The following CSK variants were observed in gnomAD, a reference collection of about 807,000 sequenced individuals.
CSK encodes the protein tyrosine-protein kinase CSK.
A neutral mutation model predicts 62.3 loss-of-function variants in CSK; 7 were observed. The ratio of observed to expected loss-of-function variants is 0.11; its 90% CI spans 0.06 to 0.21. CSK has a LOEUF of 0.21. Among genes scored for constraint, CSK ranks in the 10% least tolerant of loss-of-function variants. The pLI is 1.00. For missense variants in CSK, 294 were observed against 613.5 expected (o/e 0.48, Z 5.50); for synonymous variants, 237 against 246.0 (o/e 0.96, Z 0.34).
intron 1 of CSK, among the ~76,000 whole-genome samples, chr15:74,792,194 C>T (rs2063632481): frequency 6.6e-6 from 1 of 152,164 alleles, no homozygotes; most frequent in Non-Finnish European, 1.5e-5. Context: ...CCCATCATCT[C>T]CTGCTACTAC....
At chr15:74,790,026 G>C (rs983827005) in intron 1 of CSK, among the ~76,000 whole-genome samples, 1 of 152,204 alleles carries the variant, frequency 6.6e-6, no homozygotes, top group Non-Finnish European at 1.5e-5. Flanking sequence ...ACCAAGCATG[G>C]CTCTGGGCAC....
chr15:74,801,860 G>A lies in CSK; in HGVS notation c.1053G>A (p.Lys351=). The change falls in exon 11 of 13, where the codon AAG becomes AAA. Residue 351 remains lysine, a synonymous_variant. Coordinates refer to ENST00000220003, the MANE Select transcript of CSK (RefSeq NM_004383.3). Reference sequence around the variant, plus strand: ...AGGACACGGGCAAGCTGCCAGTCAAGTGGACAGCCCCTGAGGCCCTGAGAG... The same window carrying A: ...AGGACACGGGCAAGCTGCCAGTCAAATGGACAGCCCCTGAGGCCCTGAGAG... ...STQDTGKLPV[K]WTAPEALREK... 1 of 1,613,526 alleles carries A rather than the reference G, an allele frequency of 6.2e-7. No homozygotes were observed. Among genetic ancestry groups the A allele is most frequent in the Non-Finnish European group, 8.5e-7 (1 of 1,179,756 alleles).
rs936201851 is a variant in CSK, at chr15:74,800,292, C to G, written c.463-120C>G. On this transcript the variant is annotated intron_variant, in intron 5 of 12. Coordinates refer to ENST00000220003, the MANE Select transcript of CSK (RefSeq NM_004383.3). ...CCTACCAGAAATGGGGAGCCCTCCCCACTCAGTGACTCCAGGCTAGGCGGG... is the reference window on the plus strand; with the variant it reads ...CCTACCAGAAATGGGGAGCCCTCCCGACTCAGTGACTCCAGGCTAGGCGGG... 3.6e-5 allele frequency: 29 copies of G among 811,380 alleles called. 1 individual carries two copies. The Admixed American group carries it at 5.4e-4, about 15-fold the overall frequency. The allele number at this position is 811,380 out of a possible 1,614,324, so 50.3% of individuals were successfully genotyped here. A position where few individuals can be genotyped will look rare whatever the true frequency, so the allele number is the denominator to read the frequency against.
At position 74,802,329 on chromosome 15, in the gene CSK, A is replaced by G; in HGVS notation, c.1171-2A>G. 6.3e-7 allele frequency: 1 copy of G among 1,582,522 alleles called. No individual in the cohort carries two copies. Among genetic ancestry groups the G allele is most frequent in the Non-Finnish European group, 8.6e-7 (1 of 1,168,660 alleles). On this transcript the variant is annotated splice_acceptor_variant, in intron 12 of 12. Transcript: ENST00000220003. LOFTEE classifies it high-confidence loss of function. ...CTGACTCCTGCCTCCCCCTGGCCAC[A>G]GCCCCTGAAGGACGTCGTCCCTCGG...
chr15:74,798,275 G>A lies in CSK; in HGVS notation c.-23G>A. 1 of 1,556,442 alleles carries A rather than the reference G, an allele frequency of 6.4e-7. No homozygotes were observed. The highest frequency in any genetic ancestry group is 8.7e-7 in the Non-Finnish European group (1 of 1,150,840). ...GACAGGTTGGCTTTACTGTGACTCG[G>A]GGACGCCAGAGCTCCTGAGAAGATG... On this transcript the variant is annotated 5_prime_UTR_variant, in exon 2 of 13. Transcript: ENST00000220003. The surrounding 1 kb of genome is among the most constrained non-coding windows in gnomAD (Gnocchi z 6.6).
In CSK at chr15:74,798,142, GCACCTGTTCATGC is replaced by G; in HGVS notation, c.-65-89_-65-77del. 1.4e-6 allele frequency: 1 copy of G among 726,924 alleles called. No individual in the cohort carries two copies. The highest frequency in any genetic ancestry group is 2.2e-6 in the Non-Finnish European group (1 of 446,874). The allele number at this position is 726,924 out of a possible 1,614,324, so 45.0% of individuals were successfully genotyped here. On this transcript the variant is annotated intron_variant, in intron 1 of 12. Coordinates refer to ENST00000220003, the MANE Select transcript of CSK (RefSeq NM_004383.3). This position sits in a 1 kb window ranked among gnomAD's most constrained non-coding sequence, Gnocchi z 6.6. ...CAAATCCCAGCGCAGGACACTCTTGGCACCTGTTCATGCCCAGTGAGGAGCCAGATCTCAGCAG... is the reference window on the plus strand; with the variant it reads ...CAAATCCCAGCGCAGGACACTCTTGGCCAGTGAGGAGCCAGATCTCAGCAG...
chr15:74,797,033 C>T (rs1201136928), intron 1 of CSK, among the ~76,000 whole-genome samples: 1 of 152,086 alleles, frequency 6.6e-6, no homozygotes, highest in Admixed American at 6.5e-5. Context: ...CTTGACCTCC[C>T]CAGGCTCAAG....
chr15:74,784,520 A>G (rs970466830), intron 1 of CSK, among the ~76,000 whole-genome samples: 5 of 151,890 alleles, frequency 3.3e-5, no homozygotes, highest in African/African-American at 9.7e-5. Context: ...TGTGCTTTTC[A>G]TTGGTGAGCT....
intron 9 of CSK, 29 bp downstream of exon 9, chr15:74,801,131 G>A: frequency 6.2e-7 from 1 of 1,612,376 alleles, no homozygotes; most frequent in Non-Finnish European, 8.5e-7. Flanking sequence ...CCGGCACTCA[G>A]GCCTTCCAAC....
At chr15:74,796,781 C>T (rs1157352575) in intron 1 of CSK, among the ~76,000 whole-genome samples, 1 of 152,032 alleles carries the variant, frequency 6.6e-6, no homozygotes, top group Non-Finnish European at 1.5e-5. Context: ...AAAACCAACC[C>T]CAGAGGTCCC....
chr15:74,796,593 C>CAAAA (rs553348497), intron 1 of CSK, among the ~76,000 whole-genome samples: 2 of 98,352 alleles, frequency 2.0e-5, no homozygotes, highest in South Asian at 3.5e-4. Flanking sequence ...GACCCTTTCT[C>CAAAA]AAAAAAAAAA....
intron 1 of CSK, among the ~76,000 whole-genome samples, chr15:74,795,333 C>T (rs530479357): frequency 2.4e-4 from 37 of 152,150 alleles, no homozygotes; most frequent in African/African-American, 7.5e-4. Context: ...AGCAAGACTC[C>T]GTCGCAATAA....
At position 74,798,561 on chromosome 15, in the gene CSK, A is replaced by C; in HGVS notation, c.16-54A>C. 6.7e-7 allele frequency: 1 copy of C among 1,499,382 alleles called. No homozygotes were observed. The allele number at this position is 1,499,382 out of a possible 1,614,324, so 92.9% of individuals were successfully genotyped here. ...GCTGTGACCACGAGGGTGCGCCAGC[A>C]GGTGGCTGGAGGGGGCCCAGGCTGC... is the stretch of plus-strand genomic sequence containing the variant. On this transcript the variant is annotated intron_variant, in intron 2 of 12. Coordinates refer to ENST00000220003, the MANE Select transcript of CSK (RefSeq NM_004383.3). This position sits in a 1 kb window ranked among gnomAD's most constrained non-coding sequence, Gnocchi z 6.6.
At position 74,797,248 on chromosome 15, in the gene CSK, A is replaced by G. The variant is rs138354920; in HGVS notation, c.-65-985A>G. On this transcript the variant is annotated intron_variant, in intron 1 of 12. Coordinates refer to ENST00000220003, the MANE Select transcript of CSK (RefSeq NM_004383.3). ...GTGTGAGCCACTGTGCCTAGCCATC[A>G]TTATGTTTTGAAATTTATCGGGATT... Among the ~76,000 whole-genome samples, 54 of 152,294 alleles carry G rather than the reference A, an allele frequency of 3.5e-4. 3 individuals are homozygous for G. The highest frequency in any genetic ancestry group is 1.2e-3 in the African/African-American group (49 of 41,566).
chr15:74,794,145 TC>T (rs2063667831), intron 1 of CSK, among the ~76,000 whole-genome samples: 1 of 36,626 alleles, frequency 2.7e-5, no homozygotes, highest in Non-Finnish European at 4.7e-5. Flanking sequence ...GGGCAAGGGG[TC>T]CTCACCACCC....
In CSK at chr15:74,800,500, A is replaced by G. The variant is rs2063773281; in HGVS notation, c.551A>G (p.Tyr184Cys). Reference sequence around the variant, plus strand: ...ACAGTGGCGGCCCAGGATGAGTTCTACCGCAGTGAGTGCACCCCACCCCAG... The same window carrying G: ...ACAGTGGCGGCCCAGGATGAGTTCTGCCGCAGTGAGTGCACCCCACCCCAG... Reference protein sequence around the residue: ...EGTVAAQDEFYRSGWALNMKE... With the variant: ...EGTVAAQDEFCRSGWALNMKE... Residue 184 changes from tyrosine (Y) to cysteine (C), a missense_variant, in exon 6 of 13, where the codon TAC (tyrosine) becomes TGC (cysteine). This residue lies in a region of CSK where 202 missense variants were observed against 415.7 expected (regional missense o/e 0.49). Transcript: ENST00000220003. 1 of 1,613,470 alleles carries G rather than the reference A, an allele frequency of 6.2e-7. No individual in the cohort carries two copies. Among genetic ancestry groups the G allele is most frequent in the African/African-American group, 1.3e-5 (1 of 74,892 alleles).
At position 74,801,833 on chromosome 15, in the gene CSK, C is replaced by G. The variant is rs761649661; in HGVS notation, c.1026C>G (p.Thr342=). Residue 342 remains threonine, a synonymous_variant, in exon 11 of 13, where the codon ACC becomes ACG. Transcript: ENST00000220003. ...GTCTCACCAAGGAGGCGTCCAGCAC[C>G]CAGGACACGGGCAAGCTGCCAGTCA... The part of the protein sequence containing the change: ...DFGLTKEASS[T]QDTGKLPVKW... 4 of 1,613,520 alleles carry G rather than the reference C, an allele frequency of 2.5e-6. No individual in the cohort carries two copies. Among genetic ancestry groups the G allele is most frequent in the Non-Finnish European group, 1.7e-6 (2 of 1,179,908 alleles).
intron 1 of CSK, among the ~76,000 whole-genome samples, chr15:74,793,423 G>C (rs991401858): frequency 1.3e-5 from 2 of 152,150 alleles, no homozygotes; most frequent in African/African-American, 4.8e-5. Context: ...TTGCCCCTAG[G>C]CTAGTGTGGT....
intron 1 of CSK, among the ~76,000 whole-genome samples, chr15:74,797,343 G>C (rs2063722066): frequency 6.6e-6 from 1 of 152,122 alleles, no homozygotes; most frequent in Non-Finnish European, 1.5e-5. Context: ...ATCACCTGAG[G>C]TCAGGAGTTC....
Sources: allele counts gnomAD v4.1 joint callset (sites outside exome capture counted in the v4.1 genomes callset), GRCh38; gene constraint gnomAD v4.1.1; regional missense constraint gnomAD v4.1.1; non-coding constraint Gnocchi (gnomAD v3.1); transcripts MANE v1.5; gene names NCBI Gene and HGNC (gene_info 2026-07-23, HGNC 2026-07-21).